Variants in FAM135B observed in about 807,000 individuals in gnomAD.
The protein encoded by FAM135B is family with sequence similarity 135 member B.
In FAM135B, 43 loss-of-function variants were observed where a neutral mutation model predicts 127.7. The ratio of observed to expected loss-of-function variants is 0.34; its 90% CI spans 0.26 to 0.43. FAM135B has a LOEUF of 0.43. Among genes scored for constraint, FAM135B ranks in the 20% least tolerant of loss-of-function variants. The pLI, the probability that FAM135B is intolerant of heterozygous loss-of-function variation, is 1.00. For synonymous variants in FAM135B, 670 were observed against 665.1 expected (o/e 1.01, Z -0.11); for missense variants, 1,558 against 1,725.6 (o/e 0.90, Z 1.72).
intron 1 of FAM135B, among the ~76,000 whole-genome samples, chr8:138,382,158 T>A (rs1831897811): frequency 6.6e-6 from 1 of 151,978 alleles, no homozygotes; most frequent in South Asian, 2.1e-4. Flanking sequence ...AAGCCTCCAT[T>A]CCCAACCTTC....
intron 3 of FAM135B, among the ~76,000 whole-genome samples, chr8:138,292,782 C>T (rs1299877568): frequency 2.0e-5 from 3 of 151,954 alleles, no homozygotes; most frequent in South Asian, 2.1e-4. Context: ...AGCTCAATAT[C>T]GTGAAAATGA....
intron 1 of FAM135B, among the ~76,000 whole-genome samples, chr8:138,465,974 C>T (rs1314420375): frequency 6.6e-6 from 1 of 152,168 alleles, no homozygotes; most frequent in African/African-American, 2.4e-5. Flanking sequence ...CAGGGTTTCA[C>T]TGTGTTGGCC....
At position 138,339,026 on chromosome 8, in the gene FAM135B, C is replaced by G. The variant is rs544609274; in HGVS notation, c.78-28106G>C. Among the ~76,000 whole-genome samples, 512 of 150,284 alleles carry G rather than the reference C, an allele frequency of 3.4e-3. 2 individuals are homozygous for G. Among genetic ancestry groups the G allele is most frequent in the African/African-American group, 0.012 (495 of 40,792 alleles). On this transcript the variant is annotated intron_variant, in intron 2 of 19. Coordinates refer to ENST00000395297, the MANE Select transcript of FAM135B (RefSeq NM_015912.4). ...ATCGCAAGGACAAAAAACCAAACAC[C>G]GCATGTTCTCACTCATAGGTAGGAA...
At chr8:138,252,486 G>A (rs367826913) in intron 5 of FAM135B, among the ~76,000 whole-genome samples, 138 of 152,250 alleles carry the variant, frequency 9.1e-4, no homozygotes, top group African/African-American at 3.2e-3. Flanking sequence ...TGTCAGTGTC[G>A]CAAAGATGGC....
chr8:138,250,230 G>A (rs1179342801), intron 6 of FAM135B, among the ~76,000 whole-genome samples: 5 of 152,134 alleles, frequency 3.3e-5, no homozygotes, highest in African/African-American at 4.8e-5. Flanking sequence ...GCGGGTGCCT[G>A]TAATCCCAGC....
intron 2 of FAM135B, among the ~76,000 whole-genome samples, chr8:138,337,425 T>C (rs993154308): frequency 1.9e-4 from 29 of 152,100 alleles, no homozygotes; most frequent in Middle Eastern, 3.4e-3. Context: ...GGATACAAAA[T>C]CAATGTACAA....
At chr8:138,496,050 T>A (rs1815379682) in intron 1 of FAM135B, among the ~76,000 whole-genome samples, 1 of 152,142 alleles carries the variant, frequency 6.6e-6, no homozygotes, top group Admixed American at 6.5e-5. Context: ...TCTATTCCCA[T>A]CCTATCCCTA....
chr8:138,264,216 T>C (rs1822745839), intron 4 of FAM135B, among the ~76,000 whole-genome samples: 2 of 152,206 alleles, frequency 1.3e-5, no homozygotes, highest in African/African-American at 2.4e-5. Flanking sequence ...TCCTCCGCAG[T>C]TGGGTCTCAG....
chr8:138,383,075 C>T (rs557904685), intron 1 of FAM135B, among the ~76,000 whole-genome samples: 1 of 152,290 alleles, frequency 6.6e-6, no homozygotes, highest in African/African-American at 2.4e-5. Flanking sequence ...TAGAGTATCT[C>T]CATTATTCCC....
intron 3 of FAM135B, among the ~76,000 whole-genome samples, chr8:138,301,371 A>AT (rs1554659140): frequency 4.6e-5 from 7 of 151,992 alleles, no homozygotes; most frequent in Non-Finnish European, 7.4e-5. Context: ...AACAATCAGG[A>AT]TTTTTTTTCT....
chr8:138,472,429 G>A (rs1266569211), intron 1 of FAM135B, among the ~76,000 whole-genome samples: 1 of 152,132 alleles, frequency 6.6e-6, no homozygotes, highest in East Asian at 1.9e-4. Context: ...GTGGTATGCA[G>A]GAGTACAGGG....
rs2130660693 is a variant in FAM135B, at chr8:138,146,067, A to AC, written c.3449-18dup. On this transcript the variant is annotated splice_polypyrimidine_tract_variant and intron_variant, in intron 14 of 19. Coordinates refer to ENST00000395297, the MANE Select transcript of FAM135B (RefSeq NM_015912.4). The stretch of plus-strand genomic sequence containing the variant: ...CACTGTTCCCTAAAAATGACAGATA[A>AC]CCCCCATCCCAGTCCCGTAGTTAGT... The AC allele has an allele frequency of 2.1e-6, 3 of 1,398,300 alleles. No individual in the cohort carries two copies. The highest frequency in any genetic ancestry group is 1.2e-5 in the South Asian group (1 of 85,240). 86.6% of individuals were successfully genotyped at this position (1,398,300 alleles called of 1,614,324 possible).
intron 2 of FAM135B, among the ~76,000 whole-genome samples, chr8:138,322,913 C>T (rs539627844): frequency 1.3e-5 from 2 of 152,122 alleles, no homozygotes; most frequent in African/African-American, 4.8e-5. Context: ...ATAAAAGAGG[C>T]CTTGGTGTTC....
rs186613820 is a variant in FAM135B, at chr8:138,242,884, T to C, written c.669+58A>G. 4.9e-5 allele frequency: 77 copies of C among 1,574,482 alleles called. No individual in the cohort carries two copies. The East Asian group carries it at 1.5e-3, about 31-fold the overall frequency. ...AAAGAAGCATGAATCTCATAGAACA[T>C]ACACTCTGCAAAGTAAAGTTTGAAA... is the stretch of plus-strand genomic sequence containing the variant. On this transcript the variant is annotated intron_variant, in intron 7 of 19. Coordinates refer to ENST00000395297, the MANE Select transcript of FAM135B (RefSeq NM_015912.4). This position sits in a 1 kb window ranked among gnomAD's most constrained non-coding sequence, Gnocchi z 9.6.
chr8:138,405,255 A>G (rs1304416), intron 1 of FAM135B, among the ~76,000 whole-genome samples: 41,872 of 150,108 alleles, frequency 0.28, 6,154 homozygotes, highest in Non-Finnish European at 0.32. Context: ...GTTTTAGGGT[A>G]CAAGTGCACA....
intron 1 of FAM135B, among the ~76,000 whole-genome samples, chr8:138,378,642 T>C (rs1328794876): frequency 3.3e-5 from 5 of 151,992 alleles, no homozygotes; most frequent in Admixed American, 6.6e-5. Context: ...TCACCTACCA[T>C]AGAAAATGCA....
At chr8:138,346,986 T>C (rs1829459542) in intron 2 of FAM135B, among the ~76,000 whole-genome samples, 1 of 152,218 alleles carries the variant, frequency 6.6e-6, no homozygotes, top group African/African-American at 2.4e-5. Context: ...GATTTTGTGT[T>C]TTCACTTCTT....
intron 9 of FAM135B, among the ~76,000 whole-genome samples, chr8:138,180,788 G>T (rs1435902130): frequency 6.6e-6 from 1 of 152,174 alleles, no homozygotes; most frequent in Non-Finnish European, 1.5e-5. Context: ...AGATAAGTCT[G>T]TGATGATGAC....
intron 1 of FAM135B, among the ~76,000 whole-genome samples, chr8:138,387,112 AT>A (rs1334848693): frequency 4.6e-5 from 7 of 152,320 alleles, no homozygotes; most frequent in African/African-American, 1.7e-4. Flanking sequence ...ACAAAGTGTT[AT>A]TTGATATTTG....
Sources: allele counts gnomAD v4.1 joint callset (sites outside exome capture counted in the v4.1 genomes callset), GRCh38; gene constraint gnomAD v4.1.1; non-coding constraint Gnocchi (gnomAD v3.1); transcripts MANE v1.5; gene names NCBI Gene and HGNC (gene_info 2026-07-23, HGNC 2026-07-21).